The following PHF24 variants were observed in gnomAD, a reference collection of about 807,000 sequenced individuals.
PHF24 encodes Galpha inhibitory interacting protein.
In PHF24, 25 loss-of-function variants were observed where a neutral mutation model predicts 42.6. The ratio of observed to expected loss-of-function variants is 0.59; its 90% CI spans 0.43 to 0.82. PHF24 has a LOEUF of 0.82. Ranked by LOEUF, PHF24 falls within the 40% of genes least tolerant of loss-of-function variation. PHF24 has a pLI of 0.00. For missense variants in PHF24, 470 were observed against 538.1 expected, an observed-to-expected ratio of 0.87 and a Z score of 1.25; for synonymous variants, 185 against 204.8, an observed-to-expected ratio of 0.90 and a Z score of 0.83.
At chr9:34,838,474 A>T in the PHF24 span, 3 of 1,332,766 alleles carry the variant, frequency 2.3e-6, no homozygotes, top group Admixed American at 2.0e-5. Context: ...ATCCCACAGA[A>T]CAAAAGTAGG....
At chr9:34,937,646 T>TAAAAAAA in the PHF24 span, among the ~76,000 whole-genome samples, 3,719 of 16,122 alleles carry the variant, frequency 0.23, 71 homozygotes, top group Non-Finnish European at 0.3. Context: ...AATGATCAAT[T>TAAAAAAA]TAAAAAAAAA....
chr9:34,970,982 G>A (rs926006514), intron 1 of PHF24, among the ~76,000 whole-genome samples: 2 of 152,142 alleles, frequency 1.3e-5, no homozygotes, highest in African/African-American at 4.8e-5. Flanking sequence ...TCCAGGCAAG[G>A]TGGTAGGCCT....
the PHF24 span, among the ~76,000 whole-genome samples, chr9:34,919,165 A>G: frequency 6.6e-6 from 1 of 152,198 alleles, no homozygotes; most frequent in African/African-American, 2.4e-5. Context: ...GTGAACCAAT[A>G]TTAATACATT....
the PHF24 span, among the ~76,000 whole-genome samples, chr9:34,807,965 C>G: frequency 2.1e-4 from 32 of 152,180 alleles, no homozygotes; most frequent in African/African-American, 6.7e-4. Flanking sequence ...AAACATTACA[C>G]TTCATATGAG....
chr9:34,879,938 G>T, the PHF24 span, among the ~76,000 whole-genome samples: 1 of 151,974 alleles, frequency 6.6e-6, no homozygotes, highest in Non-Finnish European at 1.5e-5. Context: ...AAATATTAAG[G>T]GTAGCCAGAG....
At chr9:34,794,494 A>G in the PHF24 span, among the ~76,000 whole-genome samples, 1 of 152,234 alleles carries the variant, frequency 6.6e-6, no homozygotes, top group Non-Finnish European at 1.5e-5. Context: ...ACAGATAATA[A>G]TGCTGAGATA....
At chr9:34,850,822 T>G in the PHF24 span, among the ~76,000 whole-genome samples, 4 of 152,230 alleles carry the variant, frequency 2.6e-5, no homozygotes, top group Admixed American at 1.3e-4. Flanking sequence ...TAACAGACAG[T>G]ACCCTCAGCT....
At chr9:34,978,284 C>T (rs1445060241) in exon 8 of PHF24, 10 of 597,008 alleles carry the variant, frequency 1.7e-5, no homozygotes, top group East Asian at 2.8e-5. Flanking sequence ...ACAATAGAGG[C>T]AGTGAATGCA....
At chr9:34,853,601 G>A in the PHF24 span, among the ~76,000 whole-genome samples, 80 of 151,658 alleles carry the variant, frequency 5.3e-4, no homozygotes, top group Middle Eastern at 3.4e-3. Flanking sequence ...GGCCGAGGTG[G>A]GCGGATCACG....
At chr9:34,817,437 G>A in the PHF24 span, among the ~76,000 whole-genome samples, 1 of 152,112 alleles carries the variant, frequency 6.6e-6, no homozygotes, top group East Asian at 1.9e-4. Flanking sequence ...TAGAGACAGG[G>A]TCTCACTATG....
the PHF24 span, among the ~76,000 whole-genome samples, chr9:34,681,814 A>AAAG: frequency 2.0e-5 from 3 of 152,196 alleles, no homozygotes; most frequent in African/African-American, 7.2e-5. Flanking sequence ...CCATCTCAAA[A>AAAG]AAGAAGAAGA....
the PHF24 span, among the ~76,000 whole-genome samples, chr9:34,818,014 GAT>G: frequency 5.3e-5 from 8 of 152,036 alleles, no homozygotes; most frequent in South Asian, 4.1e-4. Context: ...ATAATACATA[GAT>G]ATATGACTGA....
the PHF24 span, among the ~76,000 whole-genome samples, chr9:34,911,574 A>G: frequency 2.0e-5 from 3 of 152,224 alleles, no homozygotes; most frequent in South Asian, 6.2e-4. Context: ...TAAAATGGCC[A>G]TTAGGTACCA....
At chr9:34,827,375 T>C in the PHF24 span, among the ~76,000 whole-genome samples, 1 of 152,308 alleles carries the variant, frequency 6.6e-6, no homozygotes, top group African/African-American at 2.4e-5. Context: ...GGCCTGAACC[T>C]TGTGCTTCTC....
the PHF24 span, among the ~76,000 whole-genome samples, chr9:34,824,698 G>A: frequency 6.6e-6 from 1 of 152,272 alleles, no homozygotes; most frequent in South Asian, 2.1e-4. Flanking sequence ...TGTGGAGAGG[G>A]ACTTAGGCTT....
the PHF24 span, among the ~76,000 whole-genome samples, chr9:34,895,992 G>A: frequency 6.6e-6 from 1 of 152,154 alleles, no homozygotes; most frequent in African/African-American, 2.4e-5. Flanking sequence ...AGATGCCAAG[G>A]TCATGGGCAA....
chr9:34,680,346 G>T, the PHF24 span, among the ~76,000 whole-genome samples: 1 of 151,988 alleles, frequency 6.6e-6, no homozygotes, highest in African/African-American at 2.4e-5. Flanking sequence ...CTGCACTCCA[G>T]CCTGGGCGAC....
At chr9:34,939,973 T>C in the PHF24 span, among the ~76,000 whole-genome samples, 2 of 152,132 alleles carry the variant, frequency 1.3e-5, no homozygotes, top group African/African-American at 2.4e-5. Flanking sequence ...CACTTTAAGT[T>C]CCAGCTCCCT....
the PHF24 span, among the ~76,000 whole-genome samples, chr9:34,825,479 A>G: frequency 1.3e-5 from 2 of 151,982 alleles, no homozygotes; most frequent in African/African-American, 4.8e-5. Context: ...TCTTTGCAGG[A>G]TGGATTTGGA....
Sources: allele counts gnomAD v4.1 joint callset (sites outside exome capture counted in the v4.1 genomes callset), GRCh38; gene constraint gnomAD v4.1.1; transcripts MANE v1.5; gene names NCBI Gene and HGNC (gene_info 2026-07-23, HGNC 2026-07-21).